TIAM2: variants seen among roughly 807,000 people sequenced by gnomAD.
TIAM2 encodes the protein rho guanine nucleotide exchange factor TIAM2.
A neutral mutation model predicts 152.9 loss-of-function variants in TIAM2; 80 were observed. The observed-to-expected ratio is 0.52, with a 90% CI of 0.44 to 0.63. The LOEUF (loss-of-function observed/expected upper bound fraction) is 0.63, where lower values mean the gene tolerates loss of function less well. Among genes scored for constraint, TIAM2 ranks in the 30% least tolerant of loss-of-function variants. The probability of loss-of-function intolerance (pLI) is 0.00; values close to 1 mark genes in which losing one functional copy is unlikely to be tolerated. For missense variants in TIAM2, 1,965 were observed against 2,120.1 expected, an observed-to-expected ratio of 0.93 and a Z score of 1.44; for synonymous variants, 804 against 838.0, an observed-to-expected ratio of 0.96 and a Z score of 0.70.
chr6:155,047,616 A>G (rs2114916984), intron 1 of TIAM2, among the ~76,000 whole-genome samples: 1 of 151,404 alleles, frequency 6.6e-6, no homozygotes, highest in East Asian at 2.0e-4. Flanking sequence ...TAAAGAGGAC[A>G]GAAAGCACTT....
intron 24 of TIAM2, chr6:155,253,469 T>A: frequency 5.5e-6 from 1 of 181,912 alleles, no homozygotes; most frequent in Non-Finnish European, 1.1e-5. Flanking sequence ...TGTTCAGAGA[T>A]CCTTCCAGAG....
intron 14 of TIAM2, among the ~76,000 whole-genome samples, chr6:155,184,604 G>A (rs1339112867): frequency 6.6e-6 from 1 of 152,068 alleles, no homozygotes; most frequent in Non-Finnish European, 1.5e-5. Context: ...ACTTAATTAC[G>A]ATAATAATGG....
chr6:155,096,124 T>C (rs546397068), intron 2 of TIAM2, among the ~76,000 whole-genome samples: 7 of 152,350 alleles, frequency 4.6e-5, no homozygotes, highest in Admixed American at 2.6e-4. Context: ...ATTTTGTACA[T>C]TATCATTCAT....
At chr6:155,104,048 CCCCACACCCCCA>C (rs1562316928) in intron 2 of TIAM2, among the ~76,000 whole-genome samples, 2 of 88,954 alleles carry the variant, frequency 2.2e-5, no homozygotes, top group African/African-American at 4.9e-5. Context: ...ACACCCCCCC[CCCCACACCCCCA>C]CACACCCCCA....
chr6:155,064,126 A>C lies in TIAM2; in HGVS notation c.-208-26163A>C, dbSNP rs144736192. On this transcript the variant is annotated intron_variant, in intron 1 of 26. Transcript: ENST00000682666. ...TTCTCTTGATAATTTTGAATGATTA[A>C]GTTGATATAGAGTTTTATTGACAAT... is the stretch of plus-strand genomic sequence containing the variant. 8.6e-3 allele frequency among the ~76,000 whole-genome samples: 1,309 copies of C among 151,422 alleles called. 23 individuals carry two copies. The highest frequency in any genetic ancestry group is 0.03 in the African/African-American group (1,253 of 41,218).
chr6:155,125,042 C>T (rs1370184050), intron 2 of TIAM2, among the ~76,000 whole-genome samples: 4 of 151,298 alleles, frequency 2.6e-5, no homozygotes, highest in Middle Eastern at 3.2e-3. Flanking sequence ...TTTGGGAGGC[C>T]GAGGCAGGTG....
chr6:155,250,723 CAG>C lies in TIAM2; in HGVS notation c.3952-188_3952-187del, dbSNP rs937874842. The C allele has an allele frequency of 7.5e-6, 9 of 1,198,608 alleles. No homozygotes were observed. The African/African-American group carries it at 1.2e-4, about 16-fold the overall frequency. 74.2% of individuals were successfully genotyped at this position (1,198,608 alleles called of 1,614,324 possible). On this transcript the variant is annotated intron_variant, in intron 21 of 26. Transcript: ENST00000682666. ...ATGCCTTCACCTTTATGTTATTCAT[CAG>C]ACACTTGGGTGCTTAACTCATATTT...
intron 19 of TIAM2, 55 bp downstream of exon 19, chr6:155,245,786 A>G: frequency 9.1e-7 from 1 of 1,103,268 alleles, no homozygotes; most frequent in Non-Finnish European, 1.3e-6. Context: ...TTTAACTGTT[A>G]GTAAAGGGTA....
intron 5 of TIAM2, among the ~76,000 whole-genome samples, chr6:155,140,733 G>A (rs1253106229): frequency 6.6e-6 from 1 of 152,186 alleles, no homozygotes; most frequent in African/African-American, 2.4e-5. Context: ...TAAGAACTGG[G>A]TGAGAGTGAA....
At chr6:155,240,467 G>A in intron 15 of TIAM2, 63 bp from the exon 16 acceptor site, 1 of 1,510,464 alleles carries the variant, frequency 6.6e-7, no homozygotes. Context: ...GGTGCCCTTG[G>A]GGGCAGCGGA....
chr6:155,029,117 CACTG>C (rs1284841105), intron 1 of TIAM2, among the ~76,000 whole-genome samples: 4 of 91,304 alleles, frequency 4.4e-5, no homozygotes, highest in African/African-American at 1.2e-4. Flanking sequence ...GTTATATATA[CACTG>C]TATGTACTAT....
At chr6:155,024,963 A>G (rs551956758) in intron 1 of TIAM2, among the ~76,000 whole-genome samples, 1 of 152,330 alleles carries the variant, frequency 6.6e-6, no homozygotes, top group South Asian at 2.1e-4. Flanking sequence ...ATGTCATTTT[A>G]GTTATTTAGC....
At position 155,198,587 on chromosome 6, in the gene TIAM2, G is replaced by A. The variant is rs142860650; in HGVS notation, c.3065-12617G>A. On this transcript the variant is annotated intron_variant, in intron 14 of 26. Coordinates refer to ENST00000682666, the MANE Select transcript of TIAM2 (RefSeq NM_012454.4). Reference sequence around the variant, plus strand: ...TGAGGCAGGGGAATCACTTGAACCCGGGAGGCAGAGGTTGTGGTGAGCCGA... The same window carrying A: ...TGAGGCAGGGGAATCACTTGAACCCAGGAGGCAGAGGTTGTGGTGAGCCGA... Among the ~76,000 whole-genome samples the A allele has an allele frequency of 6.3e-3, 924 of 145,746 alleles. 12 individuals are homozygous for A. The highest frequency in any genetic ancestry group is 0.022 in the African/African-American group (879 of 39,486).
rs1444796920 is a variant in TIAM2, at chr6:155,088,705, C to T, written c.-208-1584C>T. ...TCCCCTTGCTCTAAGGCAAGCTTGT[C>T]CAACCCATGGCCTGTGGGCCACCTG... On this transcript the variant is annotated intron_variant, in intron 1 of 26. Coordinates refer to ENST00000682666, the MANE Select transcript of TIAM2 (RefSeq NM_012454.4). 2.0e-5 allele frequency among the ~76,000 whole-genome samples: 3 copies of T among 152,194 alleles called. No individual in the cohort carries two copies. The East Asian group carries it at 5.8e-4, about 29-fold the overall frequency.
chr6:155,230,054 A>G lies in TIAM2; in HGVS notation c.3169-10476A>G, dbSNP rs188040633. ...TTGGGTGGGGACACAGAGCCAAACCATATCACCAGGTGACACCTGTACCAC... is the reference window on the plus strand; with the variant it reads ...TTGGGTGGGGACACAGAGCCAAACCGTATCACCAGGTGACACCTGTACCAC... On this transcript the variant is annotated intron_variant, in intron 15 of 26. Coordinates refer to ENST00000682666, the MANE Select transcript of TIAM2 (RefSeq NM_012454.4). 3.3e-5 allele frequency among the ~76,000 whole-genome samples: 5 copies of G among 151,930 alleles called. No homozygotes were observed. The East Asian group carries it at 5.8e-4, about 18-fold the overall frequency.
At chr6:155,052,289 G>A (rs906288544) in intron 1 of TIAM2, among the ~76,000 whole-genome samples, 1 of 152,044 alleles carries the variant, frequency 6.6e-6, no homozygotes. Flanking sequence ...ACTTTTACTT[G>A]TACCATTAGC....
intron 1 of TIAM2, among the ~76,000 whole-genome samples, chr6:155,088,248 G>GT (rs1778219302): frequency 6.6e-6 from 1 of 151,814 alleles, no homozygotes; most frequent in South Asian, 2.1e-4. Flanking sequence ...TAGAGACGGG[G>GT]TTTCTCCATG....
At chr6:155,133,201 G>T (rs1178095314) in intron 4 of TIAM2, among the ~76,000 whole-genome samples, 1 of 152,146 alleles carries the variant, frequency 6.6e-6, no homozygotes, top group Non-Finnish European at 1.5e-5. Flanking sequence ...ATGAAAATTA[G>T]CTGGGCATGC....
intron 1 of TIAM2, among the ~76,000 whole-genome samples, chr6:155,060,932 A>G (rs141710069): frequency 6.6e-6 from 1 of 152,106 alleles, no homozygotes; most frequent in African/African-American, 2.4e-5. Context: ...CCACAAAAGC[A>G]CTTTTGGGCT....
Sources: gnomAD v4.1 joint callset for allele counts (sites outside exome capture counted in the v4.1 genomes callset) on GRCh38, gnomAD v4.1.1 for gene constraint, MANE v1.5 for transcripts, NCBI Gene and HGNC (gene_info 2026-07-23, HGNC 2026-07-21) for gene names.